GRIA4: variants seen among roughly 807,000 people sequenced by gnomAD.
GRIA4 encodes the protein glutamate ionotropic receptor AMPA type subunit 4, also known as glutamate receptor 4.
In GRIA4, 34 loss-of-function variants were observed where a neutral mutation model predicts 104.0. The observed-to-expected ratio is 0.33, with a 90% confidence interval of 0.25 to 0.44. The LOEUF is 0.44. GRIA4 is among the 20% of genes least tolerant of loss of function. The probability of loss-of-function intolerance (pLI) is 1.00; values close to 1 mark genes in which losing one functional copy is unlikely to be tolerated. For synonymous variants in GRIA4, 386 were observed against 381.9 expected, an observed-to-expected ratio of 1.01 and a Z score of -0.13; for missense variants, 750 against 1,096.5, an observed-to-expected ratio of 0.68 and a Z score of 4.46.
intron 4 of GRIA4, among the ~76,000 whole-genome samples, chr11:105,807,699 G>C (rs1943007771): frequency 6.6e-6 from 1 of 151,646 alleles, no homozygotes; most frequent in Non-Finnish European, 1.5e-5. Context: ...TTTCAGCTCT[G>C]AGAAGTTGTT....
chr11:105,964,247 T>C (rs1395671772), intron 14 of GRIA4, among the ~76,000 whole-genome samples: 2 of 152,186 alleles, frequency 1.3e-5, no homozygotes, highest in Admixed American at 1.3e-4. Context: ...CTTGGAAATG[T>C]AGGAGTAGCT....
chr11:105,711,455 T>A (rs923156475), intron 3 of GRIA4, among the ~76,000 whole-genome samples: 2 of 151,910 alleles, frequency 1.3e-5, no homozygotes, highest in African/African-American at 4.8e-5. Context: ...AGAAAAAAAA[T>A]TATTCCTTCA....
At chr11:105,721,213 T>C (rs537672065) in intron 3 of GRIA4, among the ~76,000 whole-genome samples, 1 of 152,286 alleles carries the variant, frequency 6.6e-6, no homozygotes, top group African/African-American at 2.4e-5. Context: ...ATAACTATTT[T>C]AGGAACGGAT....
intron 3 of GRIA4, among the ~76,000 whole-genome samples, chr11:105,674,907 C>T (rs1952487233): frequency 6.6e-6 from 1 of 151,912 alleles, no homozygotes; most frequent in African/African-American, 2.4e-5. Context: ...CATCATCTTA[C>T]AGATGAAAAT....
At chr11:105,788,815 G>A (rs988671711) in intron 4 of GRIA4, among the ~76,000 whole-genome samples, 20 of 152,114 alleles carry the variant, frequency 1.3e-4, no homozygotes, top group African/African-American at 4.8e-4. Flanking sequence ...ATATCTCCGG[G>A]ACTGGTTGGA....
At chr11:105,917,844 G>GTGTGTGTA (rs1202243844) in intron 10 of GRIA4, among the ~76,000 whole-genome samples, 1 of 151,542 alleles carries the variant, frequency 6.6e-6, no homozygotes, top group African/African-American at 2.4e-5. Context: ...GTGTGTGTGT[G>GTGTGTGTA]TGTGTGTGTG....
At chr11:105,663,761 G>A (rs953690497) in intron 3 of GRIA4, among the ~76,000 whole-genome samples, 1 of 151,800 alleles carries the variant, frequency 6.6e-6, no homozygotes, top group Non-Finnish European at 1.5e-5. Context: ...CTGGAAAGTA[G>A]GGTCCATTTC....
chr11:105,959,973 G>C (rs1948693792), intron 14 of GRIA4, among the ~76,000 whole-genome samples: 1 of 152,230 alleles, frequency 6.6e-6, no homozygotes, highest in South Asian at 2.1e-4. Flanking sequence ...AAAGCAGCCA[G>C]GATGGCTGCC....
chr11:105,632,688 C>T (rs544825500), intron 3 of GRIA4, among the ~76,000 whole-genome samples: 1 of 152,228 alleles, frequency 6.6e-6, no homozygotes, highest in African/African-American at 2.4e-5. Context: ...AATCCTAGTG[C>T]TTTGGGAAGC....
At chr11:105,695,104 G>A (rs1288576494) in intron 3 of GRIA4, among the ~76,000 whole-genome samples, 1 of 152,118 alleles carries the variant, frequency 6.6e-6, no homozygotes, top group Non-Finnish European at 1.5e-5. Context: ...AGACCCCAAT[G>A]CATCTTTTAC....
chr11:105,854,466 A>G (rs1003471177), intron 4 of GRIA4, among the ~76,000 whole-genome samples: 19 of 152,168 alleles, frequency 1.2e-4, no homozygotes, highest in African/African-American at 4.6e-4. Flanking sequence ...GTCAGTATAA[A>G]GGAGCAATTG....
chr11:105,944,748 T>G (rs1948265851), intron 14 of GRIA4, among the ~76,000 whole-genome samples: 1 of 152,102 alleles, frequency 6.6e-6, no homozygotes, highest in Non-Finnish European at 1.5e-5. Flanking sequence ...GAAGTGGAAC[T>G]GGAGCCCATT....
intron 1 of GRIA4, 28 bp from the exon 2 acceptor site, chr11:105,610,870 CTTTTTTTTTT>C (rs55973528): frequency 4.5e-5 from 16 of 357,398 alleles, no homozygotes; most frequent in Non-Finnish European, 6.3e-5. Flanking sequence ...TCTTTCTTTT[CTTTTTTTTTT>C]TTTTTTTTTG....
At chr11:105,751,103 T>C (rs746675042) in intron 3 of GRIA4, among the ~76,000 whole-genome samples, 3 of 152,180 alleles carry the variant, frequency 2.0e-5, no homozygotes, top group Non-Finnish European at 4.4e-5. Flanking sequence ...GTGTATAGTT[T>C]CAGCACAAAC....
At chr11:105,833,045 T>A (rs2135937995) in intron 4 of GRIA4, among the ~76,000 whole-genome samples, 1 of 152,160 alleles carries the variant, frequency 6.6e-6, no homozygotes, top group Admixed American at 6.6e-5. Context: ...ACTGTTTCCT[T>A]CAAATTCCCA....
chr11:105,722,405 C>T (rs976557990), intron 3 of GRIA4, among the ~76,000 whole-genome samples: 7 of 152,082 alleles, frequency 4.6e-5, no homozygotes, highest in African/African-American at 1.7e-4. Flanking sequence ...AGTGCATTTT[C>T]AACTTATGAT....
intron 3 of GRIA4, among the ~76,000 whole-genome samples, chr11:105,623,086 T>TATATATAC (rs1950794625): frequency 7.7e-6 from 1 of 130,396 alleles, no homozygotes; most frequent in Non-Finnish European, 1.6e-5. Context: ...TATATATATA[T>TATATATAC]ATATACCATA....
rs181440747 is a variant in GRIA4, at chr11:105,937,785, A to G, written c.2294+3816A>G. 5.0e-3 allele frequency among the ~76,000 whole-genome samples: 760 copies of G among 152,354 alleles called. 1 individual carries two copies. Among genetic ancestry groups the G allele is most frequent in the Non-Finnish European group, 7.2e-3 (489 of 68,026 alleles). On this transcript the variant is annotated intron_variant, in intron 14 of 16. Coordinates refer to ENST00000282499, the MANE Select transcript of GRIA4 (RefSeq NM_000829.4). ...ACTGAAAAAAAATAAAAATAAAAAG[A>G]TGCTTTAAAAGAAAGCAGTTCCAAT...
At chr11:105,768,032 A>C (rs964500076) in intron 4 of GRIA4, among the ~76,000 whole-genome samples, 2 of 152,144 alleles carry the variant, frequency 1.3e-5, no homozygotes, top group Admixed American at 6.6e-5. Flanking sequence ...AGGATTAAAA[A>C]AAAGAGAACC....
Sources: allele counts gnomAD v4.1 joint callset (sites outside exome capture counted in the v4.1 genomes callset), GRCh38; gene constraint gnomAD v4.1.1; transcripts MANE v1.5; gene names NCBI Gene and HGNC (gene_info 2026-07-23, HGNC 2026-07-21).